Variants in PRELID2 observed in about 807,000 individuals in gnomAD.
The protein encoded by PRELID2 is PRELI domain containing 2.
Under a neutral mutation model 28.4 loss-of-function variants are expected in PRELID2, and 25 were observed. The observed-to-expected ratio is 0.88, with a 90% CI of 0.64 to 1.23. PRELID2 has a LOEUF of 1.23. Ranked by LOEUF, PRELID2 falls within the 50% of genes most tolerant of loss-of-function variation. The probability of loss-of-function intolerance (pLI) is 0.00; values close to 1 mark genes in which losing one functional copy is unlikely to be tolerated. For synonymous variants in PRELID2, 76 were observed against 71.6 expected (o/e 1.06, Z -0.31); for missense variants, 201 against 214.4 (o/e 0.94, Z 0.39).
At chr5:145,753,386 T>C (rs1009960086), downstream of PRELID2, among the ~76,000 whole-genome samples, 1 of 152,232 alleles carries the variant, frequency 6.6e-6, no homozygotes, top group African/African-American at 2.4e-5. Flanking sequence ...AAATGCAACT[T>C]AAACTTTTGA....
intron 1 of PRELID2, among the ~76,000 whole-genome samples, chr5:145,674,435 A>T (rs1320781803): frequency 6.6e-6 from 1 of 152,148 alleles, no homozygotes; most frequent in Non-Finnish European, 1.5e-5. Context: ...CCAGAAATAG[A>T]TCTGATCACA....
intron 1 of PRELID2, among the ~76,000 whole-genome samples, chr5:145,562,503 G>A (rs978047655): frequency 9.2e-5 from 14 of 152,134 alleles, no homozygotes; most frequent in African/African-American, 3.4e-4. Flanking sequence ...ATTTGAAGTG[G>A]TTTGCTTTGG....
intron 1 of PRELID2, among the ~76,000 whole-genome samples, chr5:145,594,178 G>A (rs923306572): frequency 3.3e-5 from 5 of 152,092 alleles, no homozygotes; most frequent in African/African-American, 1.2e-4. Flanking sequence ...GTATATGTTT[G>A]CATTTTTTCA....
At chr5:145,661,621 C>T (rs1250291210) in intron 1 of PRELID2, among the ~76,000 whole-genome samples, 1 of 143,544 alleles carries the variant, frequency 7.0e-6, no homozygotes, top group Admixed American at 7.2e-5. Flanking sequence ...GCCTGGGATT[C>T]ACACCGTGGA....
At chr5:145,699,018 C>T (rs1755346718) in intron 1 of PRELID2, among the ~76,000 whole-genome samples, 1 of 152,196 alleles carries the variant, frequency 6.6e-6, no homozygotes, top group Non-Finnish European at 1.5e-5. Flanking sequence ...TGAGCCACCG[C>T]ACCTGGCCAG....
downstream of PRELID2, among the ~76,000 whole-genome samples, chr5:145,468,544 G>T (rs118061876): frequency 1.8e-3 from 270 of 152,290 alleles, 5 homozygotes; most frequent in East Asian, 0.042. Context: ...TAGTGTAAAA[G>T]TGTTTCCTAT....
the PRELID2 span, among the ~76,000 whole-genome samples, chr5:145,275,630 A>G: frequency 1.3e-5 from 2 of 152,182 alleles, no homozygotes; most frequent in Admixed American, 1.3e-4. Flanking sequence ...CATTTGGAGA[A>G]AACTGAAGTA....
the PRELID2 span, among the ~76,000 whole-genome samples, chr5:145,371,474 G>A: frequency 2.6e-5 from 4 of 152,206 alleles, no homozygotes; most frequent in South Asian, 8.3e-4. Context: ...ATTTATCATG[G>A]TGGATTACAT....
chr5:145,559,356 T>C (rs1200167869), intron 1 of PRELID2, among the ~76,000 whole-genome samples: 1 of 151,996 alleles, frequency 6.6e-6, no homozygotes. Flanking sequence ...TAAAATGCTA[T>C]GGGGCTAATA....
chr5:145,760,092 A>T lies in PRELID2; in HGVS notation c.*444T>A, dbSNP rs1460342074. ...AATCAGGTACCAGTTCAACTCCCTT[A>T]TTGGTTCCAGAATCCCCTCACGAAT... is the stretch of plus-strand genomic sequence containing the variant. On this transcript the variant is annotated 3_prime_UTR_variant, in exon 7 of 7. Coordinates refer to ENST00000683046, the MANE Select transcript of PRELID2 (RefSeq NM_205846.3). 2.0e-5 allele frequency: 3 copies of T among 152,104 alleles called. No individual in the cohort carries two copies. The highest frequency in any genetic ancestry group is 4.4e-5 in the Non-Finnish European group (3 of 68,040). The allele number at this position is 152,104 out of a possible 1,614,324, so 9.4% of individuals were successfully genotyped here. A position where few individuals can be genotyped will look rare whatever the true frequency, so the allele number is the denominator to read the frequency against.
At chr5:145,823,924 T>A (rs1245930270) in intron 1 of PRELID2, among the ~76,000 whole-genome samples, 1 of 152,168 alleles carries the variant, frequency 6.6e-6, no homozygotes, top group African/African-American at 2.4e-5. Flanking sequence ...ACTTCATATA[T>A]GAAAAATAAG....
At chr5:145,316,362 A>G in the PRELID2 span, among the ~76,000 whole-genome samples, 1 of 152,168 alleles carries the variant, frequency 6.6e-6, no homozygotes, top group Admixed American at 6.5e-5. Context: ...TCTTGTTTCA[A>G]TTTCACTGTC....
the PRELID2 span, among the ~76,000 whole-genome samples, chr5:145,352,920 C>A: frequency 1.3e-5 from 2 of 152,146 alleles, no homozygotes; most frequent in Non-Finnish European, 2.9e-5. Context: ...TCTGAGATCA[C>A]CTCAGCTTGG....
At chr5:145,465,869 T>C in the PRELID2 span, among the ~76,000 whole-genome samples, 5 of 152,294 alleles carry the variant, frequency 3.3e-5, no homozygotes, top group African/African-American at 1.2e-4. Flanking sequence ...CCAGGCAGCC[T>C]TGAAGGTTTC....
chr5:145,775,715 G>T (rs1038696492), intron 5 of PRELID2, among the ~76,000 whole-genome samples: 2 of 152,128 alleles, frequency 1.3e-5, no homozygotes, highest in Non-Finnish European at 2.9e-5. Flanking sequence ...CATTTCTTGG[G>T]GACAAAACCC....
At chr5:145,558,919 T>G (rs760593876) in intron 1 of PRELID2, among the ~76,000 whole-genome samples, 2 of 152,198 alleles carry the variant, frequency 1.3e-5, no homozygotes, top group Non-Finnish European at 2.9e-5. Context: ...GAATCTATTC[T>G]ATAAAAATGT....
At chr5:145,283,360 T>C in the PRELID2 span, among the ~76,000 whole-genome samples, 1 of 152,204 alleles carries the variant, frequency 6.6e-6, no homozygotes, top group Non-Finnish European at 1.5e-5. Context: ...TAATGATTCA[T>C]TTTAGAAAAT....
At chr5:145,628,712 A>G (rs1019165720) in intron 1 of PRELID2, among the ~76,000 whole-genome samples, 2 of 152,164 alleles carry the variant, frequency 1.3e-5, no homozygotes, top group Non-Finnish European at 2.9e-5. Context: ...CTCTTCTTTC[A>G]GGAAGAACTA....
chr5:145,629,589 G>T (rs1486204046), intron 1 of PRELID2, among the ~76,000 whole-genome samples: 1 of 152,124 alleles, frequency 6.6e-6, no homozygotes, highest in Non-Finnish European at 1.5e-5. Context: ...CAAGTATGGA[G>T]GCTTAATATG....
Sources: allele counts gnomAD v4.1 joint callset (sites outside exome capture counted in the v4.1 genomes callset), GRCh38; gene constraint gnomAD v4.1.1; transcripts MANE v1.5; gene names NCBI Gene and HGNC (gene_info 2026-07-23, HGNC 2026-07-21).